C5orf34: variants seen among roughly 807,000 people sequenced by gnomAD.
C5orf34 encodes uncharacterized protein C5orf34.
In C5orf34, 73 loss-of-function variants were observed where a neutral mutation model predicts 78.4. The observed-to-expected ratio is 0.93, with a 90% CI of 0.77 to 1.13. The LOEUF is 1.13. Among genes scored for constraint, C5orf34 ranks in the 50% most tolerant of loss-of-function variants. C5orf34 has a pLI of 0.00. For missense variants in C5orf34, 730 were observed against 732.7 expected (o/e 1.00, Z 0.04); for synonymous variants, 251 against 246.6 (o/e 1.02, Z -0.17).
chr5:43,493,636 TA>T, intron 7 of C5orf34, 24 bp from the exon 8 acceptor site: 1 of 1,393,444 alleles, frequency 7.2e-7, no homozygotes, highest in Non-Finnish European at 9.9e-7. Flanking sequence ...AAATACTACT[TA>T]AACATTTGCA....
Position 43,506,020 on chromosome 5 carries a change from C to A in C5orf34, c.660G>T (p.Gly220=). The stretch of plus-strand genomic sequence containing the variant: ...TACCAGGCGAAGGCAGCTCTTCCCT[C>A]CCTTCAGTTCCATTTACACAACTCA... ...KKMSCVNGTE[G]REELPSPGTK... Residue 220 remains glycine, a synonymous_variant, in exon 4 of 13, where the codon GGG becomes GGT. Coordinates refer to ENST00000306862, the MANE Select transcript of C5orf34 (RefSeq NM_198566.4). The A allele has an allele frequency of 6.2e-7, 1 of 1,614,192 alleles. No individual in the cohort carries two copies. The highest frequency in any genetic ancestry group is 8.5e-7 in the Non-Finnish European group (1 of 1,180,032).
At position 43,506,379 on chromosome 5, in the gene C5orf34, T is replaced by A. The variant is rs1338093283; in HGVS notation, c.301A>T (p.Ile101Leu). The change falls in exon 4 of 13, where the codon ATA (isoleucine) becomes TTA (leucine). Residue 101 changes from isoleucine (I) to leucine (L), a missense_variant. By Grantham distance (5) the Ile-to-Leu change is conservative. Coordinates refer to ENST00000306862, the MANE Select transcript of C5orf34 (RefSeq NM_198566.4). ...SERKKHIFID[I>L]TEVRWPSLDT... ...AGACTGGGCCATCTCACTTCTGTTA[T>A]GTCAATGAAGATATGCTGCAAGGAG... The A allele has an allele frequency of 6.2e-7, 1 of 1,604,784 alleles. No homozygotes were observed. The highest frequency in any genetic ancestry group is 1.3e-5 in the African/African-American group (1 of 74,816).
intron 6 of C5orf34, among the ~76,000 whole-genome samples, 193 bp downstream of exon 6, chr5:43,502,179 G>A (rs1745784295): frequency 6.6e-6 from 1 of 152,088 alleles, no homozygotes; most frequent in South Asian, 2.1e-4. Context: ...GGAGATAGCA[G>A]GTGAAAATAC....
chr5:43,511,168 CCG>C (rs1746230804), intron 1 of C5orf34: 1 of 175,662 alleles, frequency 5.7e-6, no homozygotes, highest in Admixed American at 6.2e-5. Context: ...TGCCTGGCAG[CCG>C]CCCTGTCTGA....
At chr5:43,490,559 T>C in intron 11 of C5orf34, 72 bp downstream of exon 11, 1 of 981,708 alleles carries the variant, frequency 1.0e-6, no homozygotes, top group Non-Finnish European at 1.6e-6. Context: ...AGTCTCAGTT[T>C]ACCATTTGAC....
chr5:43,490,499 C>A, intron 11 of C5orf34, 132 bp downstream of exon 11: 1 of 587,296 alleles, frequency 1.7e-6, no homozygotes, highest in East Asian at 2.9e-5. Context: ...ATCAAAAATA[C>A]TTTAGGAGTT....
intron 12 of C5orf34, 26 bp from the exon 13 acceptor site, chr5:43,487,137 T>C: frequency 1.7e-6 from 2 of 1,201,094 alleles, no homozygotes; most frequent in Non-Finnish European, 2.3e-6. Context: ...AAGGAGGTTT[T>C]CCCCACATTT....
At chr5:43,494,184 G>A (rs1006557698) in intron 7 of C5orf34, among the ~76,000 whole-genome samples, 13 of 152,210 alleles carry the variant, frequency 8.5e-5, no homozygotes, top group Admixed American at 1.3e-4. Flanking sequence ...AATTTTAAAT[G>A]TAACATCAAA....
In C5orf34 at chr5:43,502,399, A is replaced by G. The variant is rs1745794971; in HGVS notation, c.1125T>C (p.Tyr375=). ...TTCCTGATCCTTCTTGAATAGAATA[A>G]TAAGTAAAATAGTTCCCAAAATAAG... ...EGAYFGNYFT[Y]YSIQEGSGKR... is the part of the protein sequence containing the mutation. The change falls in exon 6 of 13, where the codon TAT becomes TAC. Residue 375 remains tyrosine, a synonymous_variant. Transcript: ENST00000306862. 2.5e-6 allele frequency: 4 copies of G among 1,611,734 alleles called. No homozygotes were observed. Among genetic ancestry groups the G allele is most frequent in the East Asian group, 2.2e-5 (1 of 44,748 alleles).
chr5:43,502,743 C>G (rs1745817730), intron 5 of C5orf34, among the ~76,000 whole-genome samples: 1 of 152,200 alleles, frequency 6.6e-6, no homozygotes, highest in South Asian at 2.1e-4. Flanking sequence ...GGAATTCAGG[C>G]ATCTTGTCTT....
chr5:43,489,279 G>A (rs762691574), intron 11 of C5orf34, among the ~76,000 whole-genome samples: 2 of 152,080 alleles, frequency 1.3e-5, no homozygotes, highest in South Asian at 2.1e-4. Context: ...TACAACTTAG[G>A]TAGCTTTTTA....
At chr5:43,494,651 T>G in intron 6 of C5orf34, 50 bp from the exon 7 acceptor site, 2 of 1,113,514 alleles carry the variant, frequency 1.8e-6, no homozygotes, top group Non-Finnish European at 2.7e-6. Context: ...ATTTTGGCCT[T>G]TATTACTTAG....
chr5:43,509,388 G>A lies in C5orf34; in HGVS notation c.-36-13C>T, dbSNP rs781622193. The A allele has an allele frequency of 1.2e-5, 17 of 1,436,016 alleles. No individual in the cohort carries two copies. Among genetic ancestry groups the A allele is most frequent in the South Asian group, 2.8e-5 (2 of 72,466 alleles). The allele number at this position is 1,436,016 out of a possible 1,614,324, so 89.0% of individuals were successfully genotyped here. On this transcript the variant is annotated splice_polypyrimidine_tract_variant and intron_variant, in intron 1 of 12. Coordinates refer to ENST00000306862, the MANE Select transcript of C5orf34 (RefSeq NM_198566.4). Reference sequence around the variant, plus strand: ...TCTAAGTCAAAGACTGAATGAAATAGGAAAAACAACAGCATAAATAGTTCT... The same window carrying A: ...TCTAAGTCAAAGACTGAATGAAATAAGAAAAACAACAGCATAAATAGTTCT...
In C5orf34 at chr5:43,494,509, C is replaced by G; in HGVS notation, c.1244+1G>C. 1 of 1,593,776 alleles carries G rather than the reference C, an allele frequency of 6.3e-7. No individual in the cohort carries two copies. The highest frequency in any genetic ancestry group is 8.6e-7 in the Non-Finnish European group (1 of 1,164,784). ...GATTCAATTGAATGGGAAGAACTTA[C>G]CTTGTTGCCTGTTTAATTAGAGAAC... On this transcript the variant is annotated splice_donor_variant, in intron 7 of 12. Transcript: ENST00000306862. LOFTEE classifies it high-confidence loss of function.
intron 6 of C5orf34, among the ~76,000 whole-genome samples, chr5:43,497,603 A>C (rs1054865818): frequency 2.0e-5 from 3 of 152,206 alleles, no homozygotes; most frequent in African/African-American, 4.8e-5. Context: ...AACCTTTTGT[A>C]AGCCTCAGTG....
chr5:43,492,715 C>T lies in C5orf34; in HGVS notation c.1485+5G>A, dbSNP rs754633279. On this transcript the variant is annotated splice_donor_5th_base_variant and intron_variant, in intron 9 of 12. Transcript: ENST00000306862. ...AAAATAGATCTAAGTCTGAAGTATACCCACCTGTCTCTTCTCAATAGGAGA... is the reference window on the plus strand; with the variant it reads ...AAAATAGATCTAAGTCTGAAGTATATCCACCTGTCTCTTCTCAATAGGAGA... 7.2e-5 allele frequency: 115 copies of T among 1,607,870 alleles called. No individual in the cohort carries two copies. Among genetic ancestry groups the T allele is most frequent in the Non-Finnish European group, 9.3e-5 (110 of 1,176,896 alleles).
intron 1 of C5orf34, among the ~76,000 whole-genome samples, chr5:43,513,104 AC>A (rs1746345430): frequency 6.6e-6 from 1 of 151,098 alleles, no homozygotes; most frequent in African/African-American, 2.4e-5. Context: ...TTTTAACCTT[AC>A]CCCCTTTAAT....
In C5orf34 at chr5:43,493,028, C is replaced by A; in HGVS notation, c.1315-138G>T. 1.4e-5 allele frequency: 6 copies of A among 435,204 alleles called. No individual in the cohort carries two copies. In the South Asian group the frequency reaches 1.5e-4, roughly 11 times the overall value. The allele number at this position is 435,204 out of a possible 1,614,324, so 27.0% of individuals were successfully genotyped here. ...ATAAAATCCTTATATTTTAATTTTTCCAGAAGTGGATACCCAAAACAGTCT... is the reference window on the plus strand; with the variant it reads ...ATAAAATCCTTATATTTTAATTTTTACAGAAGTGGATACCCAAAACAGTCT... On this transcript the variant is annotated intron_variant, in intron 8 of 12. Transcript: ENST00000306862.
In C5orf34 at chr5:43,494,600, C is replaced by T; in HGVS notation, c.1154G>A (p.Arg385Lys). The T allele has an allele frequency of 6.3e-7, 1 of 1,578,840 alleles. No individual in the cohort carries two copies. Among genetic ancestry groups the T allele is most frequent in the Non-Finnish European group, 8.7e-7 (1 of 1,155,626 alleles). The change falls in exon 7 of 13, where the codon AGA becomes AAA. Residue 385 changes from arginine to lysine, a missense_variant and splice_region_variant. Arg to Lys is a conservative substitution (Grantham distance 26). Coordinates refer to ENST00000306862, the MANE Select transcript of C5orf34 (RefSeq NM_198566.4). ...YYSIQEGSGK[R>K]EEKTYSVNNL... ...ATTTACTGAGTAAGTTTTCTCTTCT[C>T]TCTGAAAATTAGTTAAAATGAAAAA...
Sources: gnomAD v4.1 joint callset for allele counts (sites outside exome capture counted in the v4.1 genomes callset) on GRCh38, gnomAD v4.1.1 for gene constraint, MANE v1.5 for transcripts, NCBI Gene and HGNC (gene_info 2026-07-23, HGNC 2026-07-21) for gene names.